The following PDE7B variants were observed in gnomAD, a reference collection of about 807,000 sequenced individuals.
The protein encoded by PDE7B is phosphodiesterase 7B.
In PDE7B, 29 loss-of-function variants were observed where a neutral mutation model predicts 56.2. The ratio of observed to expected loss-of-function variants is 0.52; its 90% CI spans 0.38 to 0.70. The LOEUF is 0.70. PDE7B is among the 30% of genes least tolerant of loss of function. The pLI, the probability that PDE7B is intolerant of heterozygous loss-of-function variation, is 0.00. For missense variants in PDE7B, 490 were observed against 565.0 expected (o/e 0.87, Z 1.35); for synonymous variants, 197 against 196.9 (o/e 1.00, Z 0.00).
intron 9 of PDE7B, among the ~76,000 whole-genome samples, chr6:136,174,939 A>G (rs1275341843): frequency 6.6e-6 from 1 of 152,214 alleles, no homozygotes; most frequent in Non-Finnish European, 1.5e-5. Context: ...AACTAGAGCA[A>G]AAGATCAAGT....
At chr6:136,181,393 G>C in intron 11 of PDE7B, 70 bp downstream of exon 11, 1 of 906,734 alleles carries the variant, frequency 1.1e-6, no homozygotes, top group Non-Finnish European at 1.8e-6. Flanking sequence ...TAATAAAACA[G>C]GAAATGGCTG....
At chr6:135,867,394 A>ATTTT (rs1398878445) in intron 1 of PDE7B, among the ~76,000 whole-genome samples, 1 of 152,202 alleles carries the variant, frequency 6.6e-6, no homozygotes, top group Admixed American at 6.5e-5. Context: ...TTAAATTGAA[A>ATTTT]ACATGTTAAT....
intron 1 of PDE7B, among the ~76,000 whole-genome samples, chr6:135,924,652 C>A (rs1583774157): frequency 1.5e-5 from 1 of 67,448 alleles, no homozygotes; most frequent in African/African-American, 7.7e-5. Flanking sequence ...TGTGGGATGT[C>A]ACCTCTAAGT....
chr6:135,874,078 T>C (rs1468300911), intron 1 of PDE7B, among the ~76,000 whole-genome samples: 1 of 152,158 alleles, frequency 6.6e-6, no homozygotes, highest in Non-Finnish European at 1.5e-5. Context: ...ATGAAATTTT[T>C]AAGAAGGTGC....
intron 1 of PDE7B, among the ~76,000 whole-genome samples, chr6:135,859,248 T>TA (rs2128184185): frequency 6.6e-6 from 1 of 152,266 alleles, no homozygotes; most frequent in African/African-American, 2.4e-5. Flanking sequence ...AGAAAAAAGT[T>TA]ATTTTCTATG....
intron 2 of PDE7B, among the ~76,000 whole-genome samples, chr6:136,004,594 C>T (rs945412364): frequency 4.8e-4 from 73 of 151,308 alleles, no homozygotes; most frequent in African/African-American, 1.7e-3. Context: ...GAGTGAACTC[C>T]CATTCACAAT....
At chr6:135,905,752 G>A (rs954076877) in intron 1 of PDE7B, among the ~76,000 whole-genome samples, 1 of 152,140 alleles carries the variant, frequency 6.6e-6, no homozygotes, top group African/African-American at 2.4e-5. Flanking sequence ...GAGTGGGCCA[G>A]CATGACGCTA....
chr6:136,102,907 T>C (rs1195662452), intron 2 of PDE7B, among the ~76,000 whole-genome samples: 1 of 152,220 alleles, frequency 6.6e-6, no homozygotes, highest in Non-Finnish European at 1.5e-5. Context: ...TGCAAGGTGA[T>C]GCAGTATTGT....
At chr6:135,912,552 TG>T (rs1776230984) in intron 1 of PDE7B, among the ~76,000 whole-genome samples, 1 of 152,014 alleles carries the variant, frequency 6.6e-6, no homozygotes, top group Admixed American at 6.6e-5. Flanking sequence ...TTCTAAATGT[TG>T]GGGATTTAAA....
At chr6:135,887,120 T>C (rs1775722950) in intron 1 of PDE7B, among the ~76,000 whole-genome samples, 1 of 152,176 alleles carries the variant, frequency 6.6e-6, no homozygotes, top group Non-Finnish European at 1.5e-5. Context: ...TGATCAGTGA[T>C]GATGAGCATT....
chr6:136,018,727 C>T (rs1305802538), intron 2 of PDE7B, among the ~76,000 whole-genome samples: 3 of 151,854 alleles, frequency 2.0e-5, no homozygotes, highest in Admixed American at 6.6e-5. Context: ...ATAATAAATA[C>T]GTGTACAATT....
chr6:136,063,664 C>G (rs1776884049), intron 2 of PDE7B, among the ~76,000 whole-genome samples: 1 of 152,186 alleles, frequency 6.6e-6, no homozygotes, highest in East Asian at 1.9e-4. Flanking sequence ...TAAGGCAGCC[C>G]CGCCCCTACT....
intron 10 of PDE7B, among the ~76,000 whole-genome samples, 187 bp from the exon 11 acceptor site, chr6:136,181,040 C>G (rs1767653369): frequency 6.6e-6 from 1 of 152,168 alleles, no homozygotes. Flanking sequence ...CCAGCATTCT[C>G]AATGCAGGCT....
At chr6:136,156,804 T>C (rs1778612016) in intron 8 of PDE7B, among the ~76,000 whole-genome samples, 1 of 152,184 alleles carries the variant, frequency 6.6e-6, no homozygotes. Flanking sequence ...GACTTGAAAA[T>C]AATAGGAAAC....
intron 3 of PDE7B, among the ~76,000 whole-genome samples, chr6:136,139,742 G>A (rs937081528): frequency 2.0e-5 from 3 of 152,092 alleles, no homozygotes; most frequent in East Asian, 1.9e-4. Flanking sequence ...ATTTTTTCAC[G>A]TGTCTTTTGG....
At chr6:136,145,151 G>A (rs1778392647) in intron 3 of PDE7B, among the ~76,000 whole-genome samples, 1 of 151,854 alleles carries the variant, frequency 6.6e-6, no homozygotes, top group Non-Finnish European at 1.5e-5. Context: ...TTTATCAGTT[G>A]GCACATTCTA....
intron 1 of PDE7B, among the ~76,000 whole-genome samples, chr6:135,882,468 C>T (rs1031360283): frequency 6.6e-6 from 1 of 152,120 alleles, no homozygotes; most frequent in East Asian, 1.9e-4. Context: ...TCAGTTTGAA[C>T]ATTCTCACTT....
At chr6:135,984,303 GT>G (rs200525452) in intron 2 of PDE7B, among the ~76,000 whole-genome samples, 11 of 151,726 alleles carry the variant, frequency 7.2e-5, no homozygotes, top group African/African-American at 9.7e-5. Context: ...TTTTTTGTTT[GT>G]TTTTTTTGTT....
intron 1 of PDE7B, among the ~76,000 whole-genome samples, chr6:135,936,749 T>C (rs1774428735): frequency 6.6e-6 from 1 of 152,204 alleles, no homozygotes; most frequent in Non-Finnish European, 1.5e-5. Flanking sequence ...GGACCCTGGT[T>C]CCTCCACCTT....
Sources: allele counts gnomAD v4.1 joint callset (sites outside exome capture counted in the v4.1 genomes callset), GRCh38; gene constraint gnomAD v4.1.1; transcripts MANE v1.5; gene names NCBI Gene and HGNC (gene_info 2026-07-23, HGNC 2026-07-21).